Variants in NEK9 observed in about 807,000 individuals in gnomAD.
NEK9 encodes the protein NIMA related kinase 9, also known as serine/threonine-protein kinase Nek9.
A neutral mutation model predicts 123.4 loss-of-function variants in NEK9; 75 were observed. The observed-to-expected ratio is 0.61, with a 90% confidence interval of 0.50 to 0.74. The LOEUF is 0.74. NEK9 is among the 30% of genes least tolerant of loss of function. NEK9 has a pLI of 0.00. For synonymous variants in NEK9, 438 were observed against 458.7 expected (o/e 0.95, Z 0.58); for missense variants, 952 against 1,214.4 (o/e 0.78, Z 3.21).
intron 4 of NEK9, 139 bp from the exon 5 acceptor site, chr14:75,119,074 G>T: frequency 3.3e-6 from 2 of 609,352 alleles, no homozygotes; most frequent in South Asian, 4.0e-5. Context: ...TCAGCACTTT[G>T]GGAGGGCAAG....
chr14:75,089,541 C>T (rs778247018), intron 19 of NEK9, among the ~76,000 whole-genome samples: 1 of 148,404 alleles, frequency 6.7e-6, no homozygotes, highest in Non-Finnish European at 1.5e-5. Flanking sequence ...ATTTATTTAT[C>T]TATTTATTTT....
intron 7 of NEK9, among the ~76,000 whole-genome samples, chr14:75,113,962 A>G (rs1050888846): frequency 6.6e-6 from 1 of 152,228 alleles, no homozygotes; most frequent in Admixed American, 6.5e-5. Context: ...AATCGAGCAC[A>G]ATTTAGATGG....
In NEK9 at chr14:75,106,711, G is replaced by T; in HGVS notation, c.1328-9C>A. On this transcript the variant is annotated splice_polypyrimidine_tract_variant and intron_variant, in intron 11 of 21. Transcript: ENST00000238616. The stretch of plus-strand genomic sequence containing the variant: ...ATAGAGCTGACCCTCATCTGCAAAA[G>T]AAAGGAAAACAGAATCCATCAAAGG... 1 of 1,603,402 alleles carries T rather than the reference G, an allele frequency of 6.2e-7. No individual in the cohort carries two copies. Among genetic ancestry groups the T allele is most frequent in the South Asian group, 1.1e-5 (1 of 90,552 alleles).
intron 19 of NEK9, among the ~76,000 whole-genome samples, chr14:75,088,987 C>G (rs1894118594): frequency 6.6e-6 from 1 of 152,214 alleles, no homozygotes; most frequent in Non-Finnish European, 1.5e-5. Flanking sequence ...AAGGTGCAGA[C>G]AGAACAGCAT....
In NEK9 at chr14:75,124,171, T is replaced by C. The variant is rs746409791; in HGVS notation, c.272A>G (p.Lys91Arg). ...CTCATTCAAGGCATCACGACGTTCC[T>C]TCTCAGACAGCCGGGTCAAATCGAC... ...KEVDLTRLSEKERRDALNEIV... is the reference protein window; with the variant it reads ...KEVDLTRLSERERRDALNEIV... Residue 91 changes from lysine (K) to arginine (R), a missense_variant, in exon 2 of 22, where the codon AAG becomes AGG. This residue lies in a region of NEK9 where 106 missense variants were observed against 153.0 expected (regional missense o/e 0.69). Coordinates refer to ENST00000238616, the MANE Select transcript of NEK9 (RefSeq NM_033116.6). 8.1e-6 allele frequency: 13 copies of C among 1,614,002 alleles called. No homozygotes were observed. The South Asian group carries it at 1.4e-4, about 18-fold the overall frequency.
At chr14:75,125,461 ATCAAGT>A (rs1437370613) in intron 1 of NEK9, among the ~76,000 whole-genome samples, 1 of 152,230 alleles carries the variant, frequency 6.6e-6, no homozygotes, top group Non-Finnish European at 1.5e-5. Context: ...CAACCCAGTA[ATCAAGT>A]TCAACAGGAT....
chr14:75,093,303 A>G (rs567534105), intron 18 of NEK9, among the ~76,000 whole-genome samples: 1 of 152,150 alleles, frequency 6.6e-6, no homozygotes, highest in Non-Finnish European at 1.5e-5. Context: ...CTAGAGCATT[A>G]CCTATATCAC....
At chr14:75,089,373 G>A (rs1167314232) in intron 19 of NEK9, among the ~76,000 whole-genome samples, 5 of 151,888 alleles carry the variant, frequency 3.3e-5, no homozygotes, top group Middle Eastern at 3.2e-3. Flanking sequence ...GATTACAAGC[G>A]TGTACCACCA....
intron 17 of NEK9, among the ~76,000 whole-genome samples, 199 bp from the exon 18 acceptor site, chr14:75,095,630 T>C (rs1315005152): frequency 3.9e-5 from 6 of 152,208 alleles, no homozygotes; most frequent in African/African-American, 1.2e-4. Flanking sequence ...TTAGCAACTG[T>C]CTGCCTTGGC....
chr14:75,104,468 G>A (rs1213951094), intron 13 of NEK9, among the ~76,000 whole-genome samples: 1 of 146,844 alleles, frequency 6.8e-6, no homozygotes, highest in African/African-American at 2.5e-5. Flanking sequence ...GCCTGGCTGA[G>A]ACTACTATTT....
chr14:75,092,674 C>T (rs967878948), intron 18 of NEK9, among the ~76,000 whole-genome samples: 2 of 152,118 alleles, frequency 1.3e-5, no homozygotes, highest in Non-Finnish European at 2.9e-5. Flanking sequence ...TTCCAAGCAA[C>T]CTTAATGAAG....
chr14:75,096,157 C>T (rs1220367170), intron 17 of NEK9, among the ~76,000 whole-genome samples: 1 of 151,990 alleles, frequency 6.6e-6, no homozygotes, highest in Non-Finnish European at 1.5e-5. Context: ...ATGGTACACT[C>T]CTGTAGTCCC....
intron 15 of NEK9, 46 bp from the exon 16 acceptor site, chr14:75,101,199 G>T: frequency 6.4e-7 from 1 of 1,565,600 alleles, no homozygotes. Context: ...ATGAGTCCTG[G>T]AACCCAGAGA....
intron 18 of NEK9, among the ~76,000 whole-genome samples, chr14:75,093,504 T>C (rs175480): frequency 1 from 152,060 of 152,296 alleles, 75,912 homozygotes; most frequent in Middle Eastern, 1. Context: ...CCAGGCTGGC[T>C]GTACAGTGGC....
rs1276432281 is a variant in NEK9, at chr14:75,079,966, G to A, written c.*4598C>T. Reference sequence around the variant, plus strand: ...AGTTGTTTGCTCTCATTTTGCTAAAGAAATAAAACAATAGTCAATGCCTTA... The same window carrying A: ...AGTTGTTTGCTCTCATTTTGCTAAAAAAATAAAACAATAGTCAATGCCTTA... On this transcript the variant is annotated 3_prime_UTR_variant, in exon 22 of 22. Transcript: ENST00000238616. The A allele has an allele frequency of 6.6e-6, 1 of 152,224 alleles. No individual in the cohort carries two copies. The highest frequency in any genetic ancestry group is 1.5e-5 in the Non-Finnish European group (1 of 68,036). 9.4% of individuals were successfully genotyped at this position (152,224 alleles called of 1,614,324 possible).
rs1893918434 is a variant in NEK9 at position 75,083,210 on chromosome 14, T to A, written c.*1354A>T. ...TGTGAGACTCATCAAAGGTAGGATG[T>A]GTGACACAAAATACCACAGGAACAT... On this transcript the variant is annotated 3_prime_UTR_variant, in exon 22 of 22. Transcript: ENST00000238616. The A allele has an allele frequency of 2.5e-6, 1 of 397,836 alleles. No homozygotes were observed. Among genetic ancestry groups the A allele is most frequent in the Admixed American group, 4.4e-5 (1 of 22,718 alleles). The allele number at this position is 397,836 out of a possible 1,614,324, so 24.6% of individuals were successfully genotyped here.
Position 75,124,132 on chromosome 14 carries a change from G to A in NEK9, c.311C>T (p.Ala104Val), listed in dbSNP as rs760753827. ...AATAATGTTGTCGTGCTGCAGCAGT[G>A]CCAGAATAACAATCTCATTCAAGGC... The part of the protein sequence containing the change: ...RDALNEIVIL[A>V]LLQHDNIIAY... The change falls in exon 2 of 22, where the codon GCA (alanine) becomes GTA (valine). Residue 104 changes from alanine to valine, a missense_variant. By Grantham distance (64) the Ala-to-Val change is moderately conservative. This residue lies in a region of NEK9 where 106 missense variants were observed against 153.0 expected (regional missense o/e 0.69). Coordinates refer to ENST00000238616, the MANE Select transcript of NEK9 (RefSeq NM_033116.6). The A allele has an allele frequency of 7.4e-6, 12 of 1,613,978 alleles. No individual in the cohort carries two copies. Among genetic ancestry groups the A allele is most frequent in the Non-Finnish European group, 1.0e-5 (12 of 1,179,874 alleles).
At chr14:75,113,566 C>G (rs1308921818) in intron 7 of NEK9, among the ~76,000 whole-genome samples, 163 bp from the exon 8 acceptor site, 3 of 152,210 alleles carry the variant, frequency 2.0e-5, no homozygotes, top group Non-Finnish European at 4.4e-5. Context: ...ATAATCAACA[C>G]TTGTACATGA....
chr14:75,092,748 TAAG>T (rs1260506802), intron 18 of NEK9, among the ~76,000 whole-genome samples: 1 of 152,110 alleles, frequency 6.6e-6, no homozygotes, highest in Non-Finnish European at 1.5e-5. Context: ...AAAATATAAT[TAAG>T]AAGATTAATC....
Sources: allele counts gnomAD v4.1 joint callset (sites outside exome capture counted in the v4.1 genomes callset), GRCh38; gene constraint gnomAD v4.1.1; regional missense constraint gnomAD v4.1.1; transcripts MANE v1.5; gene names NCBI Gene and HGNC (gene_info 2026-07-23, HGNC 2026-07-21).